The following MYOM3 variants were observed in gnomAD, a reference collection of about 807,000 sequenced individuals.
The protein encoded by MYOM3 is myomesin-3.
Under a neutral mutation model 191.7 loss-of-function variants are expected in MYOM3, and 155 were observed. The ratio of observed to expected loss-of-function variants is 0.81; its 90% CI spans 0.71 to 0.92. The LOEUF (loss-of-function observed/expected upper bound fraction) is 0.92, where lower values mean the gene tolerates loss of function less well. MYOM3 is among the 40% of genes least tolerant of loss of function. The pLI is 0.00. For synonymous variants in MYOM3, 757 were observed against 762.9 expected (o/e 0.99, Z 0.13); for missense variants, 1,889 against 1,890.6 (o/e 1.00, Z 0.02).
At position 24,111,142 on chromosome 1, in the gene MYOM3, A is replaced by G. The variant is rs188883233; in HGVS notation, c.-19+889T>C. 8.7e-4 allele frequency among the ~76,000 whole-genome samples: 133 copies of G among 152,318 alleles called. No homozygotes were observed. Among genetic ancestry groups the G allele is most frequent in the African/African-American group, 2.3e-3 (96 of 41,562 alleles). ...GTTTGCGGCCTCACTGCCCTTTCCC[A>G]AAGGACCAGGGTGCCTCTTCCCGGA... On this transcript the variant is annotated intron_variant, in intron 1 of 36. Transcript: ENST00000374434. The surrounding 1 kb of genome is among the most constrained non-coding windows in gnomAD (Gnocchi z 4.7).
At chr1:24,065,174 G>A (rs531048500) in intron 29 of MYOM3, among the ~76,000 whole-genome samples, 1 of 152,344 alleles carries the variant, frequency 6.6e-6, no homozygotes, top group Admixed American at 6.5e-5. Flanking sequence ...TTGCACAGTG[G>A]TGGCAAAGGC....
rs1643887665 is a variant in MYOM3, at chr1:24,098,011, T to C, written c.657A>G (p.Arg219=). 5 of 1,606,484 alleles carry C rather than the reference T, an allele frequency of 3.1e-6. No homozygotes were observed. The highest frequency in any genetic ancestry group is 1.3e-5 in the African/African-American group (1 of 74,766). The part of the protein sequence containing the change: ...NYGLLSLEIR[R]CAIEDSATYT... The stretch of plus-strand genomic sequence containing the variant: ...AAGTTGCTGAGTCCTCAATGGCGCA[T>C]CTGAAAAGGAGAGAGGGAGAAGTTC... Residue 219 remains arginine (R), a splice_region_variant and synonymous_variant, in exon 7 of 37, where the codon AGA becomes AGG. Coordinates refer to ENST00000374434, the MANE Select transcript of MYOM3 (RefSeq NM_152372.4).
Position 24,108,039 on chromosome 1 carries a change from CGT to C in MYOM3, c.194_195del (p.Tyr65CysfsTer42), listed in dbSNP as rs928791108. The C allele has an allele frequency of 1.8e-5, 29 of 1,613,728 alleles. No individual in the cohort carries two copies. The highest frequency in any genetic ancestry group is 2.4e-5 in the Non-Finnish European group (28 of 1,179,918). Reference protein sequence around the residue: ...EEEHEFSAADYALAAALALTA... With the variant: ...EEEHEFSAADXALAAALALTA... The stretch of plus-strand genomic sequence containing the variant: ...GTCAGAGCCAGGGCTGCTGCCAGGG[CGT>C]AGTCCGCGGCGCTGAACTCATGCTC... On this transcript the variant is annotated frameshift_variant, in exon 3 of 37. Coordinates refer to ENST00000374434, the MANE Select transcript of MYOM3 (RefSeq NM_152372.4). LOFTEE classifies it high-confidence loss of function.
intron 25 of MYOM3, among the ~76,000 whole-genome samples, chr1:24,070,328 T>C (rs1361783945): frequency 6.6e-6 from 1 of 151,880 alleles, no homozygotes; most frequent in Non-Finnish European, 1.5e-5. Flanking sequence ...CAGTGTATAG[T>C]AACATTGCAC....
In MYOM3 at chr1:24,106,090, AGAG is replaced by A; in HGVS notation, c.403-16_403-14del. 1 of 1,604,022 alleles carries A rather than the reference AGAG, an allele frequency of 6.2e-7. No homozygotes were observed. The highest frequency in any genetic ancestry group is 8.5e-7 in the Non-Finnish European group (1 of 1,176,562). ...CCTTCTCCTCTGTCTGGAGGCGGGAAGAGGTGTATGACGCTGTGAGCCAGGGAC... is the reference window on the plus strand; with the variant it reads ...CCTTCTCCTCTGTCTGGAGGCGGGAAGTGTATGACGCTGTGAGCCAGGGAC... On this transcript the variant is annotated splice_polypyrimidine_tract_variant and intron_variant, in intron 4 of 36. Transcript: ENST00000374434.
At chr1:24,060,132 G>C (rs1045465921) in intron 35 of MYOM3, among the ~76,000 whole-genome samples, 3 of 152,160 alleles carry the variant, frequency 2.0e-5, no homozygotes, top group African/African-American at 7.2e-5. Context: ...ATTCCACTAT[G>C]GGCAGGGACA....
chr1:24,103,813 T>C (rs1643959177), intron 5 of MYOM3, among the ~76,000 whole-genome samples: 1 of 150,580 alleles, frequency 6.6e-6, no homozygotes, highest in Non-Finnish European at 1.5e-5. Context: ...CCTGCACAGA[T>C]CTCCCCCCGC....
intron 5 of MYOM3, among the ~76,000 whole-genome samples, chr1:24,105,255 C>G (rs950766404): frequency 6.6e-6 from 1 of 152,250 alleles, no homozygotes; most frequent in African/African-American, 2.4e-5. Context: ...TCAATCCACT[C>G]TTCAGAACAG....
rs201411709 is a variant in MYOM3 at position 24,107,080 on chromosome 1, C to T, written c.395G>A (p.Arg132Lys). The change falls in exon 4 of 37, where the codon AGG (arginine) becomes AAG (lysine). Residue 132 changes from arginine (R) to lysine (K), a missense_variant. Coordinates refer to ENST00000374434, the MANE Select transcript of MYOM3 (RefSeq NM_152372.4). ...LRQRRDWKTL[R>K]RRTEEKVQEA... ...CACGGCCCACCCCCTTACCCGCCGC[C>T]TCAGCGTCTTCCAGTCCCGCCTCTG... is the stretch of plus-strand genomic sequence containing the variant. 14 of 1,608,030 alleles carry T rather than the reference C, an allele frequency of 8.7e-6. No individual in the cohort carries two copies. Among genetic ancestry groups the T allele is most frequent in the Admixed American group, 1.7e-5 (1 of 59,548 alleles).
In MYOM3 at chr1:24,082,112, G is replaced by C. The variant is rs201249392; in HGVS notation, c.2169C>G (p.Pro723=). ...GGATCTTGCCACCTCCACGACGCTT[G>C]GGGGGTTTCCACCCAATGACCATTT... ...KNEMVIGWKP[P]KRRGGGKILG... The change falls in exon 18 of 37, where the codon CCC becomes CCG. Residue 723 remains proline (P), a synonymous_variant. Transcript: ENST00000374434. 1,085 of 1,613,636 alleles carry C rather than the reference G, an allele frequency of 6.7e-4. 5 individuals carry two copies. Among genetic ancestry groups the C allele is most frequent in the Middle Eastern group, 6.6e-3 (39 of 5,872 alleles).
At chr1:24,074,016 G>T in intron 23 of MYOM3, 144 bp downstream of exon 23, 1 of 625,000 alleles carries the variant, frequency 1.6e-6, no homozygotes, top group East Asian at 2.8e-5. Context: ...ATCTATTGAT[G>T]GAAAGAATGG....
intron 5 of MYOM3, among the ~76,000 whole-genome samples, chr1:24,104,398 G>A (rs1643965454): frequency 6.6e-6 from 1 of 152,140 alleles, no homozygotes; most frequent in Admixed American, 6.5e-5. Flanking sequence ...TATCACCCAC[G>A]AGTATACTTC....
chr1:24,104,941 T>G (rs1038778188), intron 5 of MYOM3, among the ~76,000 whole-genome samples: 1 of 152,178 alleles, frequency 6.6e-6, no homozygotes, highest in African/African-American at 2.4e-5. Flanking sequence ...TACTGGGCAA[T>G]GGGCCTTAGA....
At chr1:24,091,700 G>A (rs140792487) in intron 11 of MYOM3, among the ~76,000 whole-genome samples, 296 of 152,312 alleles carry the variant, frequency 1.9e-3, no homozygotes, top group Non-Finnish European at 3.2e-3. Flanking sequence ...CCCTTAGCAC[G>A]GTCATGAGCC....
chr1:24,089,993 T>C, intron 13 of MYOM3, 72 bp downstream of exon 13: 1 of 1,495,430 alleles, frequency 6.7e-7, no homozygotes, highest in Non-Finnish European at 9.3e-7. Context: ...AGCTTCTGCC[T>C]CTTTGCCAGC....
intron 36 of MYOM3, 55 bp downstream of exon 36, chr1:24,058,866 GGAT>G: frequency 8.0e-7 from 1 of 1,246,070 alleles, no homozygotes; most frequent in South Asian, 1.3e-5. Context: ...GATCTGTGGT[GGAT>G]GCACGAAGGA....
At chr1:24,090,290 C>T (rs962725995) in intron 12 of MYOM3, among the ~76,000 whole-genome samples, 172 bp from the exon 13 acceptor site, 2 of 152,198 alleles carry the variant, frequency 1.3e-5, no homozygotes, top group East Asian at 1.9e-4. Context: ...CTCAGGAGTC[C>T]CAAGTGGAGC....
At position 24,106,045 on chromosome 1, in the gene MYOM3, C is replaced by T. The variant is rs764317938; in HGVS notation, c.435G>A (p.Leu145=). 6.2e-6 allele frequency: 10 copies of T among 1,613,460 alleles called. No individual in the cohort carries two copies. The South Asian group carries it at 1.1e-4, about 18-fold the overall frequency. The change falls in exon 5 of 37, where the codon CTG becomes CTA. Residue 145 remains leucine, a synonymous_variant. Coordinates refer to ENST00000374434, the MANE Select transcript of MYOM3 (RefSeq NM_152372.4). ...GCCCGCGGCCGTAGCACAGCTCCCT[C>T]AGCTCCTTGGCCTCCTGGACCTTCT... The part of the protein sequence containing the change: ...TEEKVQEAKE[L]RELCYGRGPW...
At chr1:24,086,288 G>A (rs1199357270) in intron 15 of MYOM3, among the ~76,000 whole-genome samples, 1 of 152,146 alleles carries the variant, frequency 6.6e-6, no homozygotes, top group Non-Finnish European at 1.5e-5. Flanking sequence ...CAGACAAGGA[G>A]CAGGGGGCTG....
Sources: gnomAD v4.1 joint callset for allele counts (sites outside exome capture counted in the v4.1 genomes callset) on GRCh38, gnomAD v4.1.1 for gene constraint, Gnocchi (gnomAD v3.1) non-coding constraint, MANE v1.5 for transcripts, NCBI Gene and HGNC (gene_info 2026-07-23, HGNC 2026-07-21) for gene names.